The following NFKB1 variants were observed in gnomAD, a reference collection of about 807,000 sequenced individuals.
NFKB1 encodes nuclear factor NF-kappa-B p105 subunit.
NFKB1 carries 9 observed loss-of-function variants against 105.1 expected under a neutral mutation model. That is an observed-to-expected ratio of 0.09 (90% confidence interval 0.05 to 0.15). The LOEUF is 0.15. Ranked by LOEUF, NFKB1 falls within the 10% of genes least tolerant of loss-of-function variation. The pLI, the probability that NFKB1 is intolerant of heterozygous loss-of-function variation, is 1.00. For missense variants in NFKB1, 830 were observed against 1,203.7 expected (o/e 0.69, Z 4.59); for synonymous variants, 440 against 442.2 (o/e 1.00, Z 0.06).
chr4:102,543,633 C>T (rs72679109), intron 5 of NFKB1, among the ~76,000 whole-genome samples: 2,698 of 150,012 alleles, frequency 0.018, 40 homozygotes, highest in African/African-American at 0.046. Context: ...CTCCACTCTT[C>T]GTGCCTTTCC....
At chr4:102,611,083 A>ACTT (rs1728367161) in intron 20 of NFKB1, among the ~76,000 whole-genome samples, 1 of 152,258 alleles carries the variant, frequency 6.6e-6, no homozygotes, top group Admixed American at 6.5e-5. Context: ...ATGTAAAAAT[A>ACTT]AACTAAGAAT....
chr4:102,527,772 G>A (rs566510224), intron 2 of NFKB1, among the ~76,000 whole-genome samples: 3 of 152,132 alleles, frequency 2.0e-5, no homozygotes, highest in South Asian at 2.1e-4. Flanking sequence ...AATTAAGGGC[G>A]AACTAACCAG....
At chr4:102,581,860 A>G (rs1725341365) in intron 9 of NFKB1, among the ~76,000 whole-genome samples, 1 of 152,218 alleles carries the variant, frequency 6.6e-6, no homozygotes, top group African/African-American at 2.4e-5. Context: ...CTTGGCTTAA[A>G]GAATCTCAAT....
intron 15 of NFKB1, among the ~76,000 whole-genome samples, chr4:102,599,129 T>C (rs1726908532): frequency 6.6e-6 from 1 of 151,996 alleles, no homozygotes; most frequent in South Asian, 2.1e-4. Context: ...GTGTGAGGAT[T>C]TGAGGGGGAG....
intron 5 of NFKB1, among the ~76,000 whole-genome samples, chr4:102,552,784 A>G (rs1722714396): frequency 6.6e-6 from 1 of 152,112 alleles, no homozygotes; most frequent in African/African-American, 2.4e-5. Flanking sequence ...TTTTTTTTGC[A>G]GGTTTAAAGT....
chr4:102,516,717 T>C (rs1438309311), intron 1 of NFKB1, among the ~76,000 whole-genome samples: 1 of 152,214 alleles, frequency 6.6e-6, no homozygotes, highest in Non-Finnish European at 1.5e-5. Context: ...TTCTCAGTCT[T>C]ATTTTCCTAT....
chr4:102,522,851 A>G (rs1436634221), intron 1 of NFKB1, among the ~76,000 whole-genome samples: 1 of 152,140 alleles, frequency 6.6e-6, no homozygotes, highest in Non-Finnish European at 1.5e-5. Flanking sequence ...TTTGACATTG[A>G]TTGTTCTAGC....
chr4:102,524,736 T>C (rs1740791563), intron 1 of NFKB1, among the ~76,000 whole-genome samples: 2 of 152,118 alleles, frequency 1.3e-5, no homozygotes, highest in Admixed American at 6.6e-5. Flanking sequence ...ACAGTGACAG[T>C]GATCATCAGG....
At chr4:102,530,059 C>A in intron 3 of NFKB1, 145 bp downstream of exon 3, 1 of 624,188 alleles carries the variant, frequency 1.6e-6, no homozygotes, top group South Asian at 2.2e-5. Context: ...TTTTAACATA[C>A]TTTCTTGAAA....
At chr4:102,539,152 G>T (rs1358299980) in intron 5 of NFKB1, among the ~76,000 whole-genome samples, 2 of 148,456 alleles carry the variant, frequency 1.3e-5, no homozygotes, top group Non-Finnish European at 3.0e-5. Context: ...CACAAGAATC[G>T]CTTGAACCTG....
intron 5 of NFKB1, among the ~76,000 whole-genome samples, chr4:102,558,725 A>G (rs1723175383): frequency 6.6e-6 from 1 of 152,064 alleles, no homozygotes; most frequent in Admixed American, 6.6e-5. Context: ...ATCATAGCCC[A>G]ATGCCACCTT....
chr4:102,559,153 G>T (rs997293789), intron 5 of NFKB1, among the ~76,000 whole-genome samples: 3 of 152,154 alleles, frequency 2.0e-5, no homozygotes, highest in Non-Finnish European at 4.4e-5. Flanking sequence ...CTGCATAGGA[G>T]TAAGAAGAAA....
rs561912017 is a variant in NFKB1 at position 102,584,313 on chromosome 4, C to T, written c.928-369C>T. Among the ~76,000 whole-genome samples the T allele has an allele frequency of 1.1e-4, 17 of 152,202 alleles. No individual in the cohort carries two copies. The South Asian group carries it at 3.5e-3, about 32-fold the overall frequency. ...CTCTCTCTTTCCATACCCAGTCTTTCTGATGTTGCTCTAAATAATCTTGGA... is the reference window on the plus strand; with the variant it reads ...CTCTCTCTTTCCATACCCAGTCTTTTTGATGTTGCTCTAAATAATCTTGGA... On this transcript the variant is annotated intron_variant, in intron 10 of 23. Transcript: ENST00000226574.
intron 1 of NFKB1, among the ~76,000 whole-genome samples, chr4:102,507,418 A>T (rs1395967804): frequency 6.6e-6 from 1 of 152,092 alleles, no homozygotes; most frequent in Non-Finnish European, 1.5e-5. Flanking sequence ...AAATAAAGCT[A>T]TTAGATTTTT....
rs753055825 is a variant in NFKB1, at chr4:102,588,380, G to A, written c.1066+3560G>A. Among the ~76,000 whole-genome samples the A allele has an allele frequency of 2.1e-4, 32 of 151,350 alleles. 1 individual carries two copies. Among genetic ancestry groups the A allele is most frequent in the East Asian group, 1.9e-4 (1 of 5,158 alleles). The stretch of plus-strand genomic sequence containing the variant: ...ATGGTTGGGTCCAGGGGAGACGATC[G>A]AAATAATCAAGAGAAGGATGATTGG... On this transcript the variant is annotated intron_variant, in intron 11 of 23. Transcript: ENST00000226574.
intron 13 of NFKB1, among the ~76,000 whole-genome samples, chr4:102,595,871 TATTTC>T (rs1436968762): frequency 1.3e-5 from 2 of 152,248 alleles, no homozygotes; most frequent in African/African-American, 2.4e-5. Context: ...AGAAGAGCTT[TATTTC>T]ATTTTTCTCC....
At chr4:102,533,321 GAGAT>G (rs1464576001) in intron 3 of NFKB1, among the ~76,000 whole-genome samples, 1 of 152,098 alleles carries the variant, frequency 6.6e-6, no homozygotes, top group African/African-American at 2.4e-5. Flanking sequence ...TAAGGAAAAA[GAGAT>G]AGCCTGAGAT....
chr4:102,534,034 A>C, intron 4 of NFKB1, 149 bp downstream of exon 4: 2 of 688,970 alleles, frequency 2.9e-6, no homozygotes, highest in Non-Finnish European at 4.9e-6. Context: ...AGCTTTATTC[A>C]TTCACTTTAC....
At position 102,614,856 on chromosome 4, in the gene NFKB1, C is replaced by G. The variant is rs546921789; in HGVS notation, c.2749+1275C>G. 7.9e-5 allele frequency among the ~76,000 whole-genome samples: 12 copies of G among 152,070 alleles called. No homozygotes were observed. In the East Asian group the frequency reaches 2.3e-3, roughly 30 times the overall value. The stretch of plus-strand genomic sequence containing the variant: ...CCCTGCTTGGTACCTCACCCAAGCC[C>G]AATACTGGCTACATCTGTCAGAAGC... On this transcript the variant is annotated intron_variant, in intron 23 of 23. Coordinates refer to ENST00000226574, the MANE Select transcript of NFKB1 (RefSeq NM_003998.4).
Sources: gnomAD v4.1 joint callset for allele counts (sites outside exome capture counted in the v4.1 genomes callset) on GRCh38, gnomAD v4.1.1 for gene constraint, MANE v1.5 for transcripts, NCBI Gene and HGNC (gene_info 2026-07-23, HGNC 2026-07-21) for gene names.